The following TGS1 variants were observed in gnomAD, a reference collection of about 807,000 sequenced individuals.
The protein encoded by TGS1 is trimethylguanosine synthase.
A neutral mutation model predicts 92.2 loss-of-function variants in TGS1; 69 were observed. That is an observed-to-expected ratio of 0.75 (90% CI 0.62 to 0.91). TGS1 has a LOEUF of 0.91. TGS1 is among the 40% of genes least tolerant of loss of function. The probability of loss-of-function intolerance (pLI) is 0.00; values close to 1 mark genes in which losing one functional copy is unlikely to be tolerated. For missense variants in TGS1, 1,062 were observed against 1,001.2 expected (o/e 1.06, Z -0.82); for synonymous variants, 345 against 338.1 (o/e 1.02, Z -0.22).
chr8:55,786,595 A>G lies in TGS1; in HGVS notation c.697A>G (p.Thr233Ala), dbSNP rs1249798843. Reference protein sequence around the residue: ...LSSEPWNFPDTKEEWEQHYSQ... With the variant: ...LSSEPWNFPDAKEEWEQHYSQ... ...TTCTGAACCTTGGAACTTTCCTGAT[A>G]CAAAGGAAGAATGGGAGCAACATTA... The change falls in exon 4 of 13, where the codon ACA becomes GCA. Residue 233 changes from threonine to alanine, a missense_variant. Physicochemically the swap from Thr to Ala is moderately conservative, Grantham distance 58. Transcript: ENST00000260129. The G allele has an allele frequency of 6.2e-7, 1 of 1,614,184 alleles. No homozygotes were observed. Among genetic ancestry groups the G allele is most frequent in the South Asian group, 1.1e-5 (1 of 91,082 alleles).
intron 10 of TGS1, among the ~76,000 whole-genome samples, chr8:55,806,490 T>C (rs1183548741): frequency 1.3e-5 from 2 of 151,872 alleles, no homozygotes; most frequent in African/African-American, 4.8e-5. Flanking sequence ...TTAGTAATAC[T>C]ACATATAATA....
In TGS1 at chr8:55,773,734, G is replaced by T. The variant is rs1563445741; in HGVS notation, c.101+15G>T. The stretch of plus-strand genomic sequence containing the variant: ...GCATTTGTGGAGTAAGTAGAAAAGA[G>T]AATCTCTTCATGTTCTAGCACAGTC... On this transcript the variant is annotated intron_variant, in intron 1 of 12. Transcript: ENST00000260129. 1 of 1,590,454 alleles carries T rather than the reference G, an allele frequency of 6.3e-7. No individual in the cohort carries two copies. The highest frequency in any genetic ancestry group is 8.6e-7 in the Non-Finnish European group (1 of 1,162,424).
At chr8:55,792,207 T>C (rs1811905412) in intron 5 of TGS1, among the ~76,000 whole-genome samples, 1 of 152,238 alleles carries the variant, frequency 6.6e-6, no homozygotes, top group Admixed American at 6.5e-5. Flanking sequence ...AAAAGATCTC[T>C]AGTAGGTGGA....
At chr8:55,774,491 A>C (rs1811324673) in intron 1 of TGS1, among the ~76,000 whole-genome samples, 1 of 152,248 alleles carries the variant, frequency 6.6e-6, no homozygotes, top group African/African-American at 2.4e-5. Flanking sequence ...TTTCTCGTGT[A>C]ATTTTGTGGA....
At chr8:55,790,118 G>A in intron 4 of TGS1, 64 bp from the exon 5 acceptor site, 7 of 1,175,230 alleles carry the variant, frequency 6.0e-6, no homozygotes, top group Non-Finnish European at 7.6e-6. Flanking sequence ...CATTGGCTTT[G>A]CAAATAGCAG....
chr8:55,809,967 A>G lies in TGS1; in HGVS notation c.2144-914A>G, dbSNP rs556090499. ...AGAATTTTTTCTCTTACAAATGTGA[A>G]TGTTTATTTAGAACAGGAAAAACAC... On this transcript the variant is annotated intron_variant, in intron 10 of 12. Coordinates refer to ENST00000260129, the MANE Select transcript of TGS1 (RefSeq NM_024831.8). 2.6e-5 allele frequency among the ~76,000 whole-genome samples: 4 copies of G among 152,348 alleles called. No homozygotes were observed. In the East Asian group the frequency reaches 7.7e-4, roughly 29 times the overall value.
At position 55,824,700 on chromosome 8, in the gene TGS1, C is replaced by T. The variant is rs1387738608; in HGVS notation, c.2559C>T (p.Thr853=). Reference sequence around the variant, plus strand: ...TAATTCGAAGACCAGCCTCTGAAACCTAACTATGCAGCAGTGCGAGGACAA... The same window carrying T: ...TAATTCGAAGACCAGCCTCTGAAACTTAACTATGCAGCAGTGCGAGGACAA... ...GDLIRRPASE[T] The change falls in exon 13 of 13, where the codon ACC becomes ACT. Residue 853 remains threonine, a synonymous_variant. Coordinates refer to ENST00000260129, the MANE Select transcript of TGS1 (RefSeq NM_024831.8). 1 of 1,614,126 alleles carries T rather than the reference C, an allele frequency of 6.2e-7. No homozygotes were observed. The highest frequency in any genetic ancestry group is 8.5e-7 in the Non-Finnish European group (1 of 1,180,004).
chr8:55,779,617 T>A (rs1811503319), intron 1 of TGS1, among the ~76,000 whole-genome samples: 1 of 152,224 alleles, frequency 6.6e-6, no homozygotes, highest in South Asian at 2.1e-4. Flanking sequence ...CGGCCCACAG[T>A]ATGATCGGGT....
Position 55,798,962 on chromosome 8 carries a change from T to C in TGS1, c.1591T>C (p.Ser531Pro). Reference sequence around the variant, plus strand: ...TAATAAACCAATGGATGAAGAAGCATCACAGGAATCATCTTCTCATGACAA... The same window carrying C: ...TAATAAACCAATGGATGAAGAAGCACCACAGGAATCATCTTCTCATGACAA... ...WVNKPMDEEASQESSSHDNVH... is the reference protein window; with the variant it reads ...WVNKPMDEEAPQESSSHDNVH... Residue 531 changes from serine to proline, a missense_variant, in exon 8 of 13, where the codon TCA (serine) becomes CCA (proline). By Grantham distance (74) the Ser-to-Pro change is moderately conservative. Coordinates refer to ENST00000260129, the MANE Select transcript of TGS1 (RefSeq NM_024831.8). 1 of 1,613,512 alleles carries C rather than the reference T, an allele frequency of 6.2e-7. No individual in the cohort carries two copies.
At chr8:55,779,780 A>G (rs368789952) in intron 1 of TGS1, among the ~76,000 whole-genome samples, 1 of 152,248 alleles carries the variant, frequency 6.6e-6, no homozygotes, top group East Asian at 1.9e-4. Flanking sequence ...ACACTATTTA[A>G]TGACCATCTT....
At chr8:55,775,291 AG>A (rs1339515018) in intron 1 of TGS1, among the ~76,000 whole-genome samples, 42 of 152,144 alleles carry the variant, frequency 2.8e-4, no homozygotes, top group African/African-American at 9.4e-4. Flanking sequence ...TGGGAAAGAA[AG>A]AAGATAGGGT....
At chr8:55,791,374 C>CATGT (rs1585766668) in intron 5 of TGS1, among the ~76,000 whole-genome samples, 1 of 152,212 alleles carries the variant, frequency 6.6e-6, no homozygotes, top group East Asian at 1.9e-4. Flanking sequence ...TATACAGGAA[C>CATGT]ATGTGCCTGA....
chr8:55,824,425 G>C (rs550420487), intron 12 of TGS1, among the ~76,000 whole-genome samples, 156 bp from the exon 13 acceptor site: 2 of 152,100 alleles, frequency 1.3e-5, no homozygotes, highest in Non-Finnish European at 2.9e-5. Context: ...ATATTGCATC[G>C]ATGCCTGGGA....
chr8:55,805,945 C>G (rs1812356088), intron 10 of TGS1, among the ~76,000 whole-genome samples: 1 of 146,726 alleles, frequency 6.8e-6, no homozygotes, highest in Non-Finnish European at 1.5e-5. Context: ...GCCTATAGTC[C>G]CAGCTACTCA....
chr8:55,811,589 A>C (rs1036596660), intron 11 of TGS1, among the ~76,000 whole-genome samples: 1 of 150,904 alleles, frequency 6.6e-6, no homozygotes, highest in South Asian at 2.1e-4. Context: ...GTGAAACCTC[A>C]TCTCTACTAA....
intron 10 of TGS1, among the ~76,000 whole-genome samples, chr8:55,810,598 A>T (rs984428499): frequency 2.0e-5 from 3 of 152,208 alleles, no homozygotes; most frequent in Non-Finnish European, 4.4e-5. Flanking sequence ...CACTCAGTAG[A>T]TATTTTGTGG....
intron 12 of TGS1, among the ~76,000 whole-genome samples, chr8:55,816,853 C>G (rs1803491557): frequency 6.6e-6 from 1 of 151,418 alleles, no homozygotes; most frequent in Non-Finnish European, 1.5e-5. Flanking sequence ...GAATTCATCT[C>G]TATTTTATTT....
chr8:55,792,612 T>C, intron 5 of TGS1, 86 bp from the exon 6 acceptor site: 1 of 899,358 alleles, frequency 1.1e-6, no homozygotes, highest in Admixed American at 1.9e-5. Flanking sequence ...TTTGCATGGG[T>C]CAATTATATT....
intron 6 of TGS1, among the ~76,000 whole-genome samples, chr8:55,793,778 T>A (rs199993852): frequency 2.7e-5 from 4 of 146,004 alleles, no homozygotes; most frequent in South Asian, 2.1e-4. Context: ...TTATTTATTT[T>A]TTAATTTTTT....
Sources: gnomAD v4.1 joint callset for allele counts (sites outside exome capture counted in the v4.1 genomes callset) on GRCh38, gnomAD v4.1.1 for gene constraint, MANE v1.5 for transcripts, NCBI Gene and HGNC (gene_info 2026-07-23, HGNC 2026-07-21) for gene names.